RFTN2: variants seen among roughly 807,000 people sequenced by gnomAD.
RFTN2 encodes raftlin family member 2.
Under a neutral mutation model 52.7 loss-of-function variants are expected in RFTN2, and 34 were observed. That is an observed-to-expected ratio of 0.64 (90% CI 0.49 to 0.86). RFTN2 has a LOEUF of 0.86. Among genes scored for constraint, RFTN2 ranks in the 40% least tolerant of loss-of-function variants. RFTN2 has a pLI of 0.00. For synonymous variants in RFTN2, 203 were observed against 217.7 expected, an observed-to-expected ratio of 0.93 and a Z score of 0.59; for missense variants, 536 against 600.1, an observed-to-expected ratio of 0.89 and a Z score of 1.12.
chr2:197,652,071 G>A (rs910837678), intron 1 of RFTN2, among the ~76,000 whole-genome samples: 1 of 152,186 alleles, frequency 6.6e-6, no homozygotes, highest in Non-Finnish European at 1.5e-5. Flanking sequence ...AATAGGTCTT[G>A]GAAATCCTCT....
chr2:197,617,430 A>G (rs566995268), intron 6 of RFTN2, among the ~76,000 whole-genome samples: 68 of 152,354 alleles, frequency 4.5e-4, no homozygotes, highest in Non-Finnish European at 6.9e-4. Flanking sequence ...GTTTAAGGAT[A>G]CTGCATGTGC....
chr2:197,627,795 G>A (rs1045388373), intron 5 of RFTN2, among the ~76,000 whole-genome samples: 6 of 151,980 alleles, frequency 3.9e-5, no homozygotes, highest in African/African-American at 9.7e-5. Context: ...GAGTGTGGAG[G>A]GACACTGAGA....
chr2:197,622,445 A>T (rs2088280954), intron 5 of RFTN2, among the ~76,000 whole-genome samples: 1 of 152,128 alleles, frequency 6.6e-6, no homozygotes, highest in South Asian at 2.1e-4. Context: ...AGCTCAGATT[A>T]TAGGCACACA....
chr2:197,633,552 TTATTGC>T (rs570702651), intron 4 of RFTN2, among the ~76,000 whole-genome samples, 160 bp downstream of exon 4: 38 of 152,314 alleles, frequency 2.5e-4, no homozygotes, highest in Non-Finnish European at 4.7e-4. Context: ...CTGCCCTGCC[TTATTGC>T]TAGCTGTAAT....
intron 1 of RFTN2, among the ~76,000 whole-genome samples, chr2:197,658,452 GTTT>G (rs10596113): frequency 2.9e-4 from 43 of 146,082 alleles, no homozygotes; most frequent in Non-Finnish European, 2.7e-4. Flanking sequence ...TTGTATTATT[GTTT>G]TTTTTTTTTT....
intron 8 of RFTN2, among the ~76,000 whole-genome samples, chr2:197,583,882 G>GT (rs1455685077): frequency 2.0e-5 from 3 of 151,998 alleles, no homozygotes; most frequent in Non-Finnish European, 2.9e-5. Context: ...GTGGTGTTTG[G>GT]TTTTTTGTCC....
intron 7 of RFTN2, among the ~76,000 whole-genome samples, chr2:197,613,869 G>A (rs76907075): frequency 6.6e-6 from 1 of 152,172 alleles, no homozygotes; most frequent in Non-Finnish European, 1.5e-5. Flanking sequence ...TTGCATAATG[G>A]CAATTAATGT....
chr2:197,579,238 C>T (rs1465762981), intron 8 of RFTN2, among the ~76,000 whole-genome samples: 1 of 152,184 alleles, frequency 6.6e-6, no homozygotes, highest in Non-Finnish European at 1.5e-5. Flanking sequence ...GCAAGTACCA[C>T]TTTCCCTGGG....
chr2:197,626,576 A>AATAAAT (rs1405003059), intron 5 of RFTN2, among the ~76,000 whole-genome samples: 8 of 149,846 alleles, frequency 5.3e-5, no homozygotes, highest in African/African-American at 2.0e-4. Flanking sequence ...TAAATAAATA[A>AATAAAT]ATAAATAAAT....
At chr2:197,599,088 A>G (rs914839743) in intron 7 of RFTN2, among the ~76,000 whole-genome samples, 2 of 151,906 alleles carry the variant, frequency 1.3e-5, no homozygotes, top group Non-Finnish European at 2.9e-5. Context: ...AGTAGCTGGG[A>G]CTACAGGCAC....
chr2:197,651,139 A>G (rs567188871), intron 1 of RFTN2, among the ~76,000 whole-genome samples: 25 of 152,272 alleles, frequency 1.6e-4, no homozygotes, highest in Admixed American at 1.5e-3. Flanking sequence ...GAGTTGTAGG[A>G]GTTATTTATA....
At chr2:197,661,828 C>T (rs759147427) in intron 1 of RFTN2, among the ~76,000 whole-genome samples, 1 of 152,150 alleles carries the variant, frequency 6.6e-6, no homozygotes, top group Admixed American at 6.6e-5. Flanking sequence ...TAGTAACAGC[C>T]ATTCTAACTG....
chr2:197,647,398 C>T (rs1255542302), intron 1 of RFTN2, among the ~76,000 whole-genome samples: 6 of 151,952 alleles, frequency 3.9e-5, no homozygotes, highest in East Asian at 3.9e-4. Flanking sequence ...TTTGTAGAGG[C>T]GAGGTTTTGC....
chr2:197,605,335 C>T (rs1048795334), intron 7 of RFTN2, among the ~76,000 whole-genome samples: 9 of 152,022 alleles, frequency 5.9e-5, no homozygotes, highest in Non-Finnish European at 1.2e-4. Flanking sequence ...CTTGCCTCAG[C>T]CTCCCAAGTA....
At chr2:197,632,985 C>T (rs970551) in intron 4 of RFTN2, among the ~76,000 whole-genome samples, 70,954 of 151,966 alleles carry the variant, frequency 0.47, 16,969 homozygotes, top group Middle Eastern at 0.58. Flanking sequence ...CTTACTATTA[C>T]CCCTTTTTAT....
At chr2:197,617,698 A>C in intron 6 of RFTN2, 102 bp downstream of exon 6, 1 of 433,312 alleles carries the variant, frequency 2.3e-6, no homozygotes, top group Non-Finnish European at 3.2e-6. Context: ...CAAAAACAAA[A>C]ACAAACAAAC....
chr2:197,647,415 G>A (rs898322920), intron 1 of RFTN2, among the ~76,000 whole-genome samples: 6 of 151,980 alleles, frequency 3.9e-5, no homozygotes, highest in Non-Finnish European at 7.4e-5. Flanking sequence ...TTGCCATGTT[G>A]CCCAGGCTGA....
intron 8 of RFTN2, among the ~76,000 whole-genome samples, chr2:197,580,943 G>T (rs186709964): frequency 1.3e-5 from 2 of 152,152 alleles, no homozygotes; most frequent in East Asian, 3.9e-4. Flanking sequence ...TCTCATTGCT[G>T]CCCTTCGTCC....
rs2088753434 is a variant in RFTN2, at chr2:197,646,596, A to G, written c.210T>C (p.Tyr70=). Residue 70 remains tyrosine (Y), a synonymous_variant, in exon 2 of 9, where the codon TAT becomes TAC. Coordinates refer to ENST00000295049, the MANE Select transcript of RFTN2 (RefSeq NM_144629.3). ...LDIVTKVENY[Y]LKGYIVGAIH... ...TAGCCCCGACAATATATCCTTTAAG[A>G]TAATAGTTTTCCACTTTTGTTACTA... The G allele has an allele frequency of 6.2e-7, 1 of 1,613,182 alleles. No homozygotes were observed.
Sources: allele counts gnomAD v4.1 joint callset (sites outside exome capture counted in the v4.1 genomes callset), GRCh38; gene constraint gnomAD v4.1.1; transcripts MANE v1.5; gene names NCBI Gene and HGNC (gene_info 2026-07-23, HGNC 2026-07-21).